SLC20A1: variants seen among roughly 807,000 people sequenced by gnomAD.
SLC20A1 encodes sodium-dependent phosphate transporter 1.
SLC20A1 carries 28 observed loss-of-function variants against 62.7 expected under a neutral mutation model. That is an observed-to-expected ratio of 0.45 (90% confidence interval 0.33 to 0.61). SLC20A1 has a LOEUF of 0.61. SLC20A1 is among the 20% of genes least tolerant of loss of function. The pLI, the probability that SLC20A1 is intolerant of heterozygous loss-of-function variation, is 0.02. For missense variants in SLC20A1, 673 were observed against 838.6 expected (o/e 0.80, Z 2.44); for synonymous variants, 305 against 302.9 (o/e 1.01, Z -0.07).
At chr2:112,658,757 A>T in intron 6 of SLC20A1, 68 bp from the exon 7 acceptor site, 4 of 1,493,966 alleles carry the variant, frequency 2.7e-6, no homozygotes, top group South Asian at 2.7e-5. Context: ...GGGGTGGAGG[A>T]AAGGAGACGT....
At chr2:112,649,631 G>A (rs1686380878) in intron 4 of SLC20A1, among the ~76,000 whole-genome samples, 1 of 152,084 alleles carries the variant, frequency 6.6e-6, no homozygotes, top group Admixed American at 6.5e-5. Flanking sequence ...TTCCAAGCAT[G>A]TTGGGGATAG....
intron 4 of SLC20A1, among the ~76,000 whole-genome samples, chr2:112,651,381 A>G (rs142941181): frequency 6.6e-6 from 1 of 151,746 alleles, no homozygotes; most frequent in Non-Finnish European, 1.5e-5. Flanking sequence ...GCCTTCCCAT[A>G]TATGTATTCA....
In SLC20A1 at chr2:112,646,870, T is replaced by A; in HGVS notation, c.42T>A (p.Ala14=). 6.2e-7 allele frequency: 1 copy of A among 1,613,416 alleles called. No homozygotes were observed. Among genetic ancestry groups the A allele is most frequent in the Non-Finnish European group, 8.5e-7 (1 of 1,179,608 alleles). ...CCAGTACTACAGCTGCTACCGCCGC[T>A]TCTGGTCCTTTGGTGGACTACCTAT... ...LITSTTAATA[A]SGPLVDYLWM... is the part of the protein sequence containing the mutation. Residue 14 remains alanine (A), a synonymous_variant, in exon 2 of 11, where the codon GCT becomes GCA. Transcript: ENST00000272542.
At position 112,661,496 on chromosome 2, in the gene SLC20A1, T is replaced by C. The variant is rs185976987; in HGVS notation, c.1878+270T>C. On this transcript the variant is annotated intron_variant, in intron 10 of 10. Transcript: ENST00000272542. ...TTATCCTCCCTCATTGTAGTCTCTT[T>C]ATAATAATTTTTTTTTTAATCTCAA... Among the ~76,000 whole-genome samples, 293 of 140,986 alleles carry C rather than the reference T, an allele frequency of 2.1e-3. 1 individual carries two copies. The highest frequency in any genetic ancestry group is 7.2e-3 in the African/African-American group (282 of 39,264). The allele number at this position is 140,986 out of a possible 152,430, so 92.5% of individuals were successfully genotyped here.
Position 112,645,961 on chromosome 2 carries a change from T to G in SLC20A1, c.-435T>G, listed in dbSNP as rs1228497817. On this transcript the variant is annotated 5_prime_UTR_variant, in exon 1 of 11. Transcript: ENST00000272542. ...GCTGGAGTGATGGCTGCCGGCGCTC[T>G]CTGCGTGGTTCTTCTTCTCGGCCGC... The G allele has an allele frequency of 6.6e-6, 1 of 152,092 alleles. No homozygotes were observed. The highest frequency in any genetic ancestry group is 1.5e-5 in the Non-Finnish European group (1 of 68,110). The allele number at this position is 152,092 out of a possible 1,614,324, so 9.4% of individuals were successfully genotyped here.
At position 112,663,626 on chromosome 2, in the gene SLC20A1, A is replaced by G. The variant is rs1686808932; in HGVS notation, c.*601A>G. The G allele has an allele frequency of 1.3e-5, 2 of 156,774 alleles. No homozygotes were observed. Among genetic ancestry groups the G allele is most frequent in the African/African-American group, 4.8e-5 (2 of 41,430 alleles). 9.7% of individuals were successfully genotyped at this position (156,774 alleles called of 1,614,324 possible). A position where few individuals can be genotyped will look rare whatever the true frequency, so the allele number is the denominator to read the frequency against. On this transcript the variant is annotated 3_prime_UTR_variant, in exon 11 of 11. Transcript: ENST00000272542. ...TTAAATTAGTAACTTTTTTGCAAGC[A>G]GTTTATTGACTGTTATTGCTAAGAA...
At chr2:112,662,585 A>T (rs891006739) in intron 10 of SLC20A1, among the ~76,000 whole-genome samples, 2 of 152,142 alleles carry the variant, frequency 1.3e-5, no homozygotes, top group Non-Finnish European at 2.9e-5. Flanking sequence ...GTCTCAAAAA[A>T]TAAATAAATA....
intron 3 of SLC20A1, 43 bp from the exon 4 acceptor site, chr2:112,647,610 A>G: frequency 5.0e-6 from 8 of 1,594,862 alleles, no homozygotes; most frequent in Non-Finnish European, 6.9e-6. Flanking sequence ...TTGGTTTCTG[A>G]TTTTCATTAT....
At position 112,662,886 on chromosome 2, in the gene SLC20A1, G is replaced by A; in HGVS notation, c.1901G>A (p.Gly634Asp). 6.2e-7 allele frequency: 1 copy of A among 1,614,092 alleles called. No individual in the cohort carries two copies. Residue 634 changes from glycine (G) to aspartate (D), a missense_variant, in exon 11 of 11, where the codon GGC becomes GAC. Coordinates refer to ENST00000272542, the MANE Select transcript of SLC20A1 (RefSeq NM_005415.5). Reference protein sequence around the residue: ...HCKVGSVVSVGWLRSKKAVDW... With the variant: ...HCKVGSVVSVDWLRSKKAVDW... ...TAGGTGGGCTCTGTTGTGTCTGTTG[G>A]CTGGCTCCGGTCCAAGAAGGCTGTT...
intron 4 of SLC20A1, among the ~76,000 whole-genome samples, chr2:112,648,399 A>G (rs1686342876): frequency 6.6e-6 from 1 of 152,228 alleles, no homozygotes. Context: ...ACAAGGGATT[A>G]TGTTGGCATA....
At chr2:112,660,186 G>T (rs1457044425) in intron 8 of SLC20A1, among the ~76,000 whole-genome samples, 1 of 152,186 alleles carries the variant, frequency 6.6e-6, no homozygotes, top group East Asian at 1.9e-4. Context: ...CATTTGCCTG[G>T]CATTCCCTCC....
Position 112,652,332 on chromosome 2 carries a change from A to G in SLC20A1, c.562-370A>G, listed in dbSNP as rs114508550. ...AGTCAGGTAAGCAACATCCTAACATAGTCTATTTCTTGACATCTCTTACAA... is the reference window on the plus strand; with the variant it reads ...AGTCAGGTAAGCAACATCCTAACATGGTCTATTTCTTGACATCTCTTACAA... On this transcript the variant is annotated intron_variant, in intron 4 of 10. Transcript: ENST00000272542. 8.3e-3 allele frequency: 1,813 copies of G among 219,460 alleles called. 36 individuals are homozygous for G. Among genetic ancestry groups the G allele is most frequent in the African/African-American group, 0.039 (1,691 of 43,380 alleles). 13.6% of individuals were successfully genotyped at this position (219,460 alleles called of 1,614,324 possible).
chr2:112,655,859 C>G (rs933933967), intron 5 of SLC20A1, among the ~76,000 whole-genome samples: 6 of 152,064 alleles, frequency 3.9e-5, no homozygotes, highest in African/African-American at 1.4e-4. Flanking sequence ...ACCACCACAT[C>G]CAGCTGATTT....
rs749122077 is a variant in SLC20A1, at chr2:112,647,052, T to C, written c.224T>C (p.Val75Ala). ...AGCATCTTTGAAACAGTGGGCTCTG[T>C]CTTACTGGGGGCCAAAGTGAGCGAA... The part of the protein sequence containing the change: ...LASIFETVGS[V>A]LLGAKVSETI... The change falls in exon 2 of 11, where the codon GTC becomes GCC. Residue 75 changes from valine to alanine, a missense_variant. Transcript: ENST00000272542. 2 of 1,614,188 alleles carry C rather than the reference T, an allele frequency of 1.2e-6. No homozygotes were observed. Among genetic ancestry groups the C allele is most frequent in the Non-Finnish European group, 1.7e-6 (2 of 1,180,034 alleles).
intron 10 of SLC20A1, among the ~76,000 whole-genome samples, chr2:112,661,871 T>C (rs1686758094): frequency 6.6e-6 from 1 of 152,062 alleles, no homozygotes; most frequent in African/African-American, 2.4e-5. Flanking sequence ...TTCTTTGCCT[T>C]TGGGGAAGCC....
rs543798918 is a variant in SLC20A1 at position 112,659,058 on chromosome 2, T to G, written c.1012T>G (p.Leu338Val). 1.2e-4 allele frequency: 187 copies of G among 1,614,110 alleles called. No individual in the cohort carries two copies. In the South Asian group the frequency reaches 1.9e-3, roughly 17 times the overall value. ...PERERLPSVD[L>V]KEETSIDSTV... is the part of the protein sequence containing the mutation. The stretch of plus-strand genomic sequence containing the variant: ...GAGAGAGAGGCTTCCCAGCGTGGAC[T>G]TGAAAGAGGAAACCAGCATAGATAG... Residue 338 changes from leucine to valine, a missense_variant, in exon 7 of 11, where the codon TTG becomes GTG. By Grantham distance (32) the Leu-to-Val change is conservative. Transcript: ENST00000272542.
chr2:112,649,089 C>G (rs1686360806), intron 4 of SLC20A1, among the ~76,000 whole-genome samples: 1 of 152,192 alleles, frequency 6.6e-6, no homozygotes, highest in South Asian at 2.1e-4. Flanking sequence ...TGTGTTTCAC[C>G]TCCACAAAAC....
At chr2:112,655,886 A>T (rs147494569) in intron 5 of SLC20A1, among the ~76,000 whole-genome samples, 278 of 151,958 alleles carry the variant, frequency 1.8e-3, no homozygotes, top group African/African-American at 6.3e-3. Flanking sequence ...TTTTCAGTGG[A>T]GACGGGGTTT....
chr2:112,658,646 C>A, intron 6 of SLC20A1, 179 bp from the exon 7 acceptor site: 1 of 702,190 alleles, frequency 1.4e-6, no homozygotes, highest in Non-Finnish European at 2.3e-6. Flanking sequence ...GCTGGTTGTT[C>A]CCAAGTGAGA....
Sources: gnomAD v4.1 joint callset for allele counts (sites outside exome capture counted in the v4.1 genomes callset) on GRCh38, gnomAD v4.1.1 for gene constraint, MANE v1.5 for transcripts, NCBI Gene and HGNC (gene_info 2026-07-23, HGNC 2026-07-21) for gene names.